Variants in DACH2 observed in about 807,000 individuals in gnomAD.
DACH2 encodes dachshund homolog 2.
In DACH2, 17 loss-of-function variants were observed where a neutral mutation model predicts 35.8. That is an observed-to-expected ratio of 0.48 (90% CI 0.33 to 0.71). DACH2 has a LOEUF of 0.71. Ranked by LOEUF, DACH2 falls within the 30% of genes least tolerant of loss-of-function variation. The pLI, the probability that DACH2 is intolerant of heterozygous loss-of-function variation, is 0.02. For missense variants in DACH2, 469 were observed against 472.7 expected, an observed-to-expected ratio of 0.99 and a Z score of 0.07; for synonymous variants, 195 against 177.3, an observed-to-expected ratio of 1.10 and a Z score of -0.79.
chrX:86,256,376 T>G (rs776728529), intron 1 of DACH2, among the ~76,000 whole-genome samples: 1 of 111,583 alleles, frequency 9.0e-6, no homozygotes, highest in South Asian at 3.8e-4. Flanking sequence ...AAGATGAGAA[T>G]TATAATAAAA....
chrX:86,637,300 T>TGTG (rs2040284308), intron 3 of DACH2, among the ~76,000 whole-genome samples: 1 of 98,295 alleles, frequency 1.0e-5, no homozygotes, highest in African/African-American at 3.8e-5. Context: ...TGTTGGTTGG[T>TGTG]GTGTAAGATA....
At chrX:86,290,244 C>T (rs1602362709) in intron 1 of DACH2, among the ~76,000 whole-genome samples, 1 of 64,298 alleles carries the variant, frequency 1.6e-5, no homozygotes, top group Non-Finnish European at 2.8e-5. Flanking sequence ...CTGTTCATGT[C>T]CTTTGCCCAA....
intron 7 of DACH2, among the ~76,000 whole-genome samples, chrX:86,778,777 A>AT (rs1216985299): frequency 9.1e-6 from 1 of 110,260 alleles, no homozygotes; most frequent in Non-Finnish European, 1.9e-5. Flanking sequence ...CACCCAACTA[A>AT]TTTTTGTTTT....
chrX:86,283,869 T>TACACACAC (rs780423253), intron 1 of DACH2, among the ~76,000 whole-genome samples: 880 of 55,002 alleles, frequency 0.016, 9 homozygotes, highest in African/African-American at 0.082. Flanking sequence ...ACTTAAAGTA[T>TACACACAC]ATACACACAC....
At chrX:86,423,278 C>T (rs2036835784) in intron 2 of DACH2, among the ~76,000 whole-genome samples, 2 of 111,085 alleles carry the variant, frequency 1.8e-5, no homozygotes, top group South Asian at 7.5e-4. Flanking sequence ...AATTTACACT[C>T]CCACTAATAG....
chrX:86,671,154 A>G (rs1001144039), intron 4 of DACH2, among the ~76,000 whole-genome samples: 2 of 112,315 alleles, frequency 1.8e-5, no homozygotes, highest in African/African-American at 3.2e-5. Flanking sequence ...GTAAAGCTAG[A>G]AATAAATACC....
chrX:86,581,458 G>A (rs951909670), intron 3 of DACH2, among the ~76,000 whole-genome samples: 11 of 111,423 alleles, frequency 9.9e-5, no homozygotes, highest in Non-Finnish European at 5.6e-5. Context: ...AGACTCAATG[G>A]TGTGCAGTGT....
intron 1 of DACH2, among the ~76,000 whole-genome samples, chrX:86,326,477 A>T (rs774703421): frequency 3.2e-5 from 3 of 94,352 alleles, no homozygotes; most frequent in African/African-American, 1.2e-4. Flanking sequence ...TAAAAGTTAA[A>T]AAATTATACA....
chrX:86,539,011 TATA>T (rs1210809786), intron 3 of DACH2, among the ~76,000 whole-genome samples: 1 of 109,912 alleles, frequency 9.1e-6, no homozygotes, highest in African/African-American at 3.3e-5. Context: ...TCTCTGAGAG[TATA>T]ATGAGTGCAA....
At chrX:86,475,632 A>G (rs1042032010) in intron 2 of DACH2, among the ~76,000 whole-genome samples, 2 of 111,955 alleles carry the variant, frequency 1.8e-5, no homozygotes, top group South Asian at 7.4e-4. Flanking sequence ...TCTACAAACA[A>G]TGACAATTTG....
intron 2 of DACH2, among the ~76,000 whole-genome samples, chrX:86,392,764 A>G (rs1284961400): frequency 8.9e-6 from 1 of 111,846 alleles, no homozygotes; most frequent in Non-Finnish European, 1.9e-5. Context: ...ATTCTTGACT[A>G]ATCTTGAGAA....
At chrX:86,768,483 CTA>C (rs1378179340) in intron 7 of DACH2, among the ~76,000 whole-genome samples, 3 of 111,243 alleles carry the variant, frequency 2.7e-5, no homozygotes, top group Admixed American at 9.6e-5. Context: ...CCAAAGTTAA[CTA>C]TGAATTATCT....
intron 2 of DACH2, among the ~76,000 whole-genome samples, chrX:86,410,220 T>G (rs755340351): frequency 4.1e-4 from 46 of 112,280 alleles, no homozygotes; most frequent in Non-Finnish European, 8.3e-4. Flanking sequence ...TGAAGTTCAG[T>G]TTTTACCAAG....
chrX:86,270,838 T>C (rs1265124671), intron 1 of DACH2, among the ~76,000 whole-genome samples: 1 of 112,075 alleles, frequency 8.9e-6, no homozygotes, highest in Non-Finnish European at 1.9e-5. Context: ...CACTTTATTA[T>C]GTGAGTGAAT....
chrX:86,527,952 A>T (rs961316557), intron 3 of DACH2, among the ~76,000 whole-genome samples: 1 of 112,098 alleles, frequency 8.9e-6, no homozygotes, highest in Non-Finnish European at 1.9e-5. Flanking sequence ...GCATTAAAGT[A>T]AGTCATACTT....
intron 2 of DACH2, among the ~76,000 whole-genome samples, chrX:86,432,574 A>T (rs1381110559): frequency 8.9e-6 from 1 of 112,054 alleles, no homozygotes; most frequent in Non-Finnish European, 1.9e-5. Context: ...CTAGGCAGAT[A>T]TATTGATTAA....
At chrX:86,680,379 A>T (rs1285689842) in intron 4 of DACH2, among the ~76,000 whole-genome samples, 4 of 111,933 alleles carry the variant, frequency 3.6e-5, no homozygotes, top group African/African-American at 1.3e-4. Flanking sequence ...ATTAAATTGC[A>T]TAAGTTAATC....
At chrX:86,355,201 C>T (rs1364828455) in intron 1 of DACH2, among the ~76,000 whole-genome samples, 1 of 112,250 alleles carries the variant, frequency 8.9e-6, no homozygotes, top group Non-Finnish European at 1.9e-5. Context: ...ATAATGGCCT[C>T]CAGCTCCATC....
intron 7 of DACH2, among the ~76,000 whole-genome samples, chrX:86,809,072 G>T (rs765550616): frequency 8.9e-6 from 1 of 111,756 alleles, no homozygotes; most frequent in South Asian, 3.7e-4. Context: ...AGTATGGCAG[G>T]TTTAACAAAC....
Sources: gnomAD v4.1 joint callset for allele counts (sites outside exome capture counted in the v4.1 genomes callset) on GRCh38, gnomAD v4.1.1 for gene constraint, MANE v1.5 for transcripts, NCBI Gene and HGNC (gene_info 2026-07-23, HGNC 2026-07-21) for gene names.